Variants in LPP observed in about 807,000 individuals in gnomAD.
The protein encoded by LPP is LIM domain containing preferred translocation partner in lipoma, also known as lipoma-preferred partner.
Under a neutral mutation model 60.4 loss-of-function variants are expected in LPP, and 38 were observed. The ratio of observed to expected loss-of-function variants is 0.63; its 90% CI spans 0.49 to 0.83. The LOEUF (loss-of-function observed/expected upper bound fraction) is 0.83, where lower values mean the gene tolerates loss of function less well. Among genes scored for constraint, LPP ranks in the 40% least tolerant of loss-of-function variants. LPP has a pLI of 0.00. For synonymous variants in LPP, 328 were observed against 290.8 expected, an observed-to-expected ratio of 1.13 and a Z score of -1.30; for missense variants, 902 against 783.6, an observed-to-expected ratio of 1.15 and a Z score of -1.80.
chr3:188,249,829 T>TACACACACAC lies in LPP; in HGVS notation c.-67+24334_-67+24343dup, dbSNP rs61215623. Among the ~76,000 whole-genome samples the TACACACACAC allele has an allele frequency of 3.7e-3, 414 of 111,182 alleles. 2 individuals are homozygous for TACACACACAC. Among genetic ancestry groups the TACACACACAC allele is most frequent in the Middle Eastern group, 0.021 (4 of 194 alleles). 72.9% of individuals were successfully genotyped at this position (111,182 alleles called of 152,430 possible). A position where few individuals can be genotyped will look rare whatever the true frequency, so the allele number is the denominator to read the frequency against. ...CCCTCCCTTCCTCTCTTTCTCTGTCTACACACACACACACACACACACACA... is the reference window on the plus strand; with the variant it reads ...CCCTCCCTTCCTCTCTTTCTCTGTCTACACACACACACACACACACACACACACACACACA... On this transcript the variant is annotated intron_variant, in intron 2 of 11. Coordinates refer to ENST00000617246, the MANE Select transcript of LPP (RefSeq NM_001375462.1).
intron 9 of LPP, among the ~76,000 whole-genome samples, chr3:188,836,590 A>G (rs1019822865): frequency 6.6e-6 from 1 of 152,236 alleles, no homozygotes; most frequent in African/African-American, 2.4e-5. Context: ...GAATGCATGG[A>G]TGAATTTTTC....
chr3:188,503,171 G>T (rs1240335834), intron 5 of LPP, among the ~76,000 whole-genome samples: 1 of 151,760 alleles, frequency 6.6e-6, no homozygotes, highest in Non-Finnish European at 1.5e-5. Flanking sequence ...TACAATGGGG[G>T]TTACATTTAA....
At chr3:188,642,407 A>G (rs1318331922) in intron 7 of LPP, among the ~76,000 whole-genome samples, 1 of 152,232 alleles carries the variant, frequency 6.6e-6, no homozygotes, top group South Asian at 2.1e-4. Flanking sequence ...GTTAACGTTT[A>G]GTAGTCAACA....
At position 188,663,856 on chromosome 3, in the gene LPP, C is replaced by T. The variant is rs549252490; in HGVS notation, c.1114-44411C>T. ...GCATGCAAACTAGGTCCCTTACATG[C>T]GCAGTTCACAATAAGGTTCGCACCC... On this transcript the variant is annotated intron_variant, in intron 7 of 11. Coordinates refer to ENST00000617246, the MANE Select transcript of LPP (RefSeq NM_001375462.1). Among the ~76,000 whole-genome samples the T allele has an allele frequency of 1.6e-4, 24 of 152,214 alleles. No individual in the cohort carries two copies. The East Asian group carries it at 3.5e-3, about 22-fold the overall frequency.
intron 4 of LPP, among the ~76,000 whole-genome samples, chr3:188,407,234 T>G (rs1186863880): frequency 6.6e-6 from 1 of 152,238 alleles, no homozygotes; most frequent in African/African-American, 2.4e-5. Flanking sequence ...AGTTGCTTCT[T>G]GGATGACATT....
chr3:188,187,873 T>C (rs1727056361), intron 1 of LPP, among the ~76,000 whole-genome samples: 1 of 152,146 alleles, frequency 6.6e-6, no homozygotes, highest in Non-Finnish European at 1.5e-5. Context: ...ATTCACCAAT[T>C]TTTTAATACC....
chr3:188,643,872 T>G (rs1017357089), intron 7 of LPP, among the ~76,000 whole-genome samples: 2 of 152,046 alleles, frequency 1.3e-5, no homozygotes, highest in Non-Finnish European at 2.9e-5. Flanking sequence ...TGACACAAGG[T>G]AGAAAATAGT....
intron 1 of LPP, among the ~76,000 whole-genome samples, chr3:188,162,394 T>C (rs1188194581): frequency 6.6e-6 from 1 of 152,228 alleles, no homozygotes; most frequent in African/African-American, 2.4e-5. Flanking sequence ...GCATAGTTGA[T>C]GTGAACATCC....
intron 9 of LPP, among the ~76,000 whole-genome samples, chr3:188,859,461 A>G (rs1171943554): frequency 6.6e-6 from 1 of 152,160 alleles, no homozygotes; most frequent in Non-Finnish European, 1.5e-5. Context: ...GCAATTTGTC[A>G]TGCCCTTTGC....
chr3:188,332,459 A>G (rs981502426), intron 2 of LPP, among the ~76,000 whole-genome samples: 2 of 152,220 alleles, frequency 1.3e-5, no homozygotes, highest in African/African-American at 4.8e-5. Flanking sequence ...ATCCCATCTT[A>G]TATCACATGC....
intron 3 of LPP, among the ~76,000 whole-genome samples, chr3:188,358,529 G>A (rs950190682): frequency 6.6e-6 from 1 of 152,244 alleles, no homozygotes; most frequent in African/African-American, 2.4e-5. Flanking sequence ...AGGAGTCAAA[G>A]AAGGCTTCCT....
At chr3:188,746,627 G>T in intron 8 of LPP, 1 of 450,790 alleles carries the variant, frequency 2.2e-6, no homozygotes. Flanking sequence ...AACCGTTACT[G>T]AGCGTATCCA....
At chr3:188,746,033 G>A (rs566196715) in intron 8 of LPP, among the ~76,000 whole-genome samples, 4 of 151,994 alleles carry the variant, frequency 2.6e-5, no homozygotes, top group Admixed American at 6.6e-5. Context: ...AGCATCTTAC[G>A]CATCTAAGTT....
chr3:188,235,519 T>A (rs972171615), intron 2 of LPP, among the ~76,000 whole-genome samples: 1 of 152,156 alleles, frequency 6.6e-6, no homozygotes, highest in African/African-American at 2.4e-5. Flanking sequence ...TTTTTAGACA[T>A]GTTTTTGTGT....
At chr3:188,521,090 A>G (rs1238023117) in intron 5 of LPP, among the ~76,000 whole-genome samples, 2 of 152,286 alleles carry the variant, frequency 1.3e-5, no homozygotes, top group African/African-American at 4.8e-5. Context: ...TATAAAATTG[A>G]GACTCAAGAG....
chr3:188,782,485 T>C (rs2150891687), intron 9 of LPP, among the ~76,000 whole-genome samples: 1 of 152,328 alleles, frequency 6.6e-6, no homozygotes, highest in Non-Finnish European at 1.5e-5. Flanking sequence ...GTTGAATTAA[T>C]GGGAATATTA....
intron 6 of LPP, among the ~76,000 whole-genome samples, chr3:188,559,134 A>C (rs1830118533): frequency 6.6e-6 from 1 of 151,990 alleles, no homozygotes; most frequent in African/African-American, 2.4e-5. Flanking sequence ...GATGTAGTTA[A>C]TTGTCAGTGG....
At chr3:188,533,465 G>A (rs566340508) in intron 6 of LPP, among the ~76,000 whole-genome samples, 1 of 152,154 alleles carries the variant, frequency 6.6e-6, no homozygotes, top group South Asian at 2.1e-4. Context: ...AAATAGGTGT[G>A]GATAGTGGCA....
At chr3:188,565,757 A>C (rs956542495) in intron 6 of LPP, among the ~76,000 whole-genome samples, 5 of 152,038 alleles carry the variant, frequency 3.3e-5, no homozygotes, top group African/African-American at 1.2e-4. Flanking sequence ...TAAAATAATG[A>C]AAAACATTCA....
Sources: gnomAD v4.1 joint callset for allele counts (sites outside exome capture counted in the v4.1 genomes callset) on GRCh38, gnomAD v4.1.1 for gene constraint, MANE v1.5 for transcripts, NCBI Gene and HGNC (gene_info 2026-07-23, HGNC 2026-07-21) for gene names.